RRP12: variants seen among roughly 807,000 people sequenced by gnomAD.
RRP12 encodes the protein RRP12-like protein.
In RRP12, 78 loss-of-function variants were observed where a neutral mutation model predicts 157.3. That is an observed-to-expected ratio of 0.50 (90% CI 0.41 to 0.60). RRP12 has a LOEUF of 0.60. RRP12 is among the 20% of genes least tolerant of loss of function. The pLI, the probability that RRP12 is intolerant of heterozygous loss-of-function variation, is 0.00. For synonymous variants in RRP12, 726 were observed against 670.9 expected (o/e 1.08, Z -1.27); for missense variants, 1,521 against 1,679.9 (o/e 0.91, Z 1.65).
At chr10:97,396,570 T>C (rs957145291) in intron 2 of RRP12, among the ~76,000 whole-genome samples, 16 of 152,192 alleles carry the variant, frequency 1.1e-4, no homozygotes, top group South Asian at 2.1e-4. Context: ...AGGATGTTCA[T>C]GGCAGCAACA....
At chr10:97,397,113 A>C (rs908684739) in intron 2 of RRP12, among the ~76,000 whole-genome samples, 2 of 151,864 alleles carry the variant, frequency 1.3e-5, no homozygotes, top group African/African-American at 4.8e-5. Context: ...ACCTAACACA[A>C]TGTAAATGCT....
intron 10 of RRP12, 67 bp from the exon 11 acceptor site, chr10:97,381,893 G>A: frequency 8.9e-7 from 1 of 1,120,690 alleles, no homozygotes; most frequent in Non-Finnish European, 1.3e-6. Flanking sequence ...CCAGGGCTCA[G>A]GGCTGAGACG....
Position 97,369,572 on chromosome 10 carries a change from C to A in RRP12, c.2808G>T (p.Gly936=). 12 of 1,562,664 alleles carry A rather than the reference C, an allele frequency of 7.7e-6. No homozygotes were observed. Among genetic ancestry groups the A allele is most frequent in the Non-Finnish European group, 1.0e-5 (12 of 1,153,182 alleles). ...HLLFEFKGLM[G]TSTVEQLLEN... ...CCAGCAGCTGCTCCACTGTACTGGT[C>A]CCCATCAGACCTGTGGCAGTGAGGG... The change falls in exon 25 of 34, where the codon GGG becomes GGT. Residue 936 remains glycine, a synonymous_variant. Transcript: ENST00000370992.
chr10:97,386,081 T>C, intron 8 of RRP12, 88 bp from the exon 9 acceptor site: 2 of 829,040 alleles, frequency 2.4e-6, no homozygotes, highest in Non-Finnish European at 4.0e-6. Flanking sequence ...GCTAGGGAGT[T>C]GAGGGCCCCC....
In RRP12 at chr10:97,371,090, C is replaced by A; in HGVS notation, c.2344-9G>T. 1 of 1,612,638 alleles carries A rather than the reference C, an allele frequency of 6.2e-7. No individual in the cohort carries two copies. Among genetic ancestry groups the A allele is most frequent in the Non-Finnish European group, 8.5e-7 (1 of 1,179,560 alleles). On this transcript the variant is annotated splice_polypyrimidine_tract_variant and intron_variant, in intron 20 of 33. Coordinates refer to ENST00000370992, the MANE Select transcript of RRP12 (RefSeq NM_015179.4). ...ACCCCGTGGGCCTTGCTCTGGCAGACAGGAACCGGTGAGGGAGGCCTGGGG... is the reference window on the plus strand; with the variant it reads ...ACCCCGTGGGCCTTGCTCTGGCAGAAAGGAACCGGTGAGGGAGGCCTGGGG...
intron 25 of RRP12, among the ~76,000 whole-genome samples, chr10:97,368,483 G>A (rs906373498): frequency 1.3e-5 from 2 of 151,362 alleles, no homozygotes; most frequent in African/African-American, 4.9e-5. Flanking sequence ...TCAGCCTCCC[G>A]AGTAGCTGGG....
Position 97,379,694 on chromosome 10 carries a change from G to A in RRP12, c.1610C>T (p.Ala537Val). Reference sequence around the variant, plus strand: ...CTCAGGTCCCATACTGGTCACCGCAGCCCCCACTGCCTGGTCAAGAGCCGC... The same window carrying A: ...CTCAGGTCCCATACTGGTCACCGCAACCCCCACTGCCTGGTCAAGAGCCGC... ...HTAALDQAVG[A>V]AVTSMGPEVV... The change falls in exon 14 of 34, where the codon GCT (alanine) becomes GTT (valine). Residue 537 changes from alanine to valine, a missense_variant. Ala to Val is a moderately conservative substitution (Grantham distance 64). Transcript: ENST00000370992. 2 of 1,614,058 alleles carry A rather than the reference G, an allele frequency of 1.2e-6. No individual in the cohort carries two copies. The highest frequency in any genetic ancestry group is 1.7e-6 in the Non-Finnish European group (2 of 1,179,994).
rs780397791 is a variant in RRP12 at position 97,363,909 on chromosome 10, G to A, written c.3518-6C>T. ...AGCCATCTCTTCATCTTCGCCTGGAGCCAAAAAAGAGAGGCCCATGAGCGC... is the reference window on the plus strand; with the variant it reads ...AGCCATCTCTTCATCTTCGCCTGGAACCAAAAAAGAGAGGCCCATGAGCGC... On this transcript the variant is annotated splice_region_variant and splice_polypyrimidine_tract_variant and intron_variant, in intron 29 of 33. Transcript: ENST00000370992. 10 of 1,613,422 alleles carry A rather than the reference G, an allele frequency of 6.2e-6. No individual in the cohort carries two copies. In the Admixed American group the frequency reaches 1.3e-4, roughly 22 times the overall value.
intron 15 of RRP12, among the ~76,000 whole-genome samples, chr10:97,376,885 T>G (rs1177827185): frequency 6.6e-6 from 1 of 150,866 alleles, no homozygotes; most frequent in African/African-American, 2.4e-5. Context: ...TCTTTTCTTT[T>G]TTTTTTTTTT....
chr10:97,366,971 T>C (rs1233064640), intron 26 of RRP12, 62 bp from the exon 27 acceptor site: 3 of 1,609,392 alleles, frequency 1.9e-6, no homozygotes, highest in South Asian at 1.1e-5. Flanking sequence ...CCAGATGTAG[T>C]GTCCCTGGTA....
rs995986262 is a variant in RRP12 at position 97,371,200 on chromosome 10, T to C, written c.2344-119A>G. On this transcript the variant is annotated intron_variant, in intron 20 of 33. Coordinates refer to ENST00000370992, the MANE Select transcript of RRP12 (RefSeq NM_015179.4). ...AGGGGTCCGTGGGGGCTCATGTGGC[T>C]TGACAGAGGACCAGTGGAATGTGGA... The C allele has an allele frequency of 1.3e-5, 14 of 1,056,626 alleles. No homozygotes were observed. In the African/African-American group the frequency reaches 2.2e-4, roughly 17 times the overall value. The allele number at this position is 1,056,626 out of a possible 1,614,324, so 65.5% of individuals were successfully genotyped here. A position where few individuals can be genotyped will look rare whatever the true frequency, so the allele number is the denominator to read the frequency against.
In RRP12 at chr10:97,381,038, G is replaced by A. The variant is rs1282228076; in HGVS notation, c.1419-125C>T. 8.8e-6 allele frequency: 6 copies of A among 685,190 alleles called. No homozygotes were observed. The East Asian group carries it at 1.6e-4, about 18-fold the overall frequency. The allele number at this position is 685,190 out of a possible 1,614,324, so 42.4% of individuals were successfully genotyped here. On this transcript the variant is annotated intron_variant, in intron 12 of 33. Coordinates refer to ENST00000370992, the MANE Select transcript of RRP12 (RefSeq NM_015179.4). ...GGCCAGCAAGAATGGGGCCCCAGGA[G>A]AGACAACAGAAGAGAACTAACATTT...
At chr10:97,397,905 ACT>A (rs1845012727) in intron 2 of RRP12, among the ~76,000 whole-genome samples, 1 of 148,014 alleles carries the variant, frequency 6.8e-6, no homozygotes, top group Non-Finnish European at 1.5e-5. Flanking sequence ...ACAAAGTGAG[ACT>A]CTGTCTGAAA....
At chr10:97,359,808 A>C (rs935602783) in intron 31 of RRP12, among the ~76,000 whole-genome samples, 1 of 152,170 alleles carries the variant, frequency 6.6e-6, no homozygotes, top group African/African-American at 2.4e-5. Context: ...GCATCACTCC[A>C]TCCCAGGGCA....
chr10:97,356,566 G>C (rs1224084412), downstream of RRP12: 2 of 152,346 alleles, frequency 1.3e-5, no homozygotes, highest in African/African-American at 4.8e-5. Flanking sequence ...CTGTCCTATG[G>C]GCAAAGCCTT....
intron 15 of RRP12, among the ~76,000 whole-genome samples, chr10:97,374,467 C>T (rs1384369793): frequency 6.6e-6 from 1 of 151,752 alleles, no homozygotes; most frequent in East Asian, 2.0e-4. Context: ...CAGCCACATG[C>T]CCACTTTGTA....
chr10:97,377,866 A>G (rs986347588), intron 15 of RRP12, among the ~76,000 whole-genome samples: 9 of 151,960 alleles, frequency 5.9e-5, no homozygotes, highest in African/African-American at 2.2e-4. Context: ...AAAAAAGAAA[A>G]AAAAAGAAAA....
At chr10:97,372,856 A>G in intron 18 of RRP12, 53 bp from the exon 19 acceptor site, 3 of 1,526,860 alleles carry the variant, frequency 2.0e-6, no homozygotes, top group Middle Eastern at 1.8e-4. Context: ...GGAGCGAAAG[A>G]AAGCAGCAAT....
In RRP12 at chr10:97,396,212, A is replaced by G. The variant is rs1017530026; in HGVS notation, c.453+6T>C. On this transcript the variant is annotated splice_donor_region_variant and intron_variant, in intron 3 of 33. Transcript: ENST00000370992. Reference sequence around the variant, plus strand: ...GAACACCCACCCTCCAGTGGCACCCACTCACCAGAGCAGCGAAGTACTCAG... The same window carrying G: ...GAACACCCACCCTCCAGTGGCACCCGCTCACCAGAGCAGCGAAGTACTCAG... The G allele has an allele frequency of 3.4e-5, 55 of 1,604,438 alleles. No individual in the cohort carries two copies. The highest frequency in any genetic ancestry group is 4.7e-5 in the Non-Finnish European group (55 of 1,171,734).
Sources: gnomAD v4.1 joint callset for allele counts (sites outside exome capture counted in the v4.1 genomes callset) on GRCh38, gnomAD v4.1.1 for gene constraint, MANE v1.5 for transcripts, NCBI Gene and HGNC (gene_info 2026-07-23, HGNC 2026-07-21) for gene names.